Variants in CACNA1I observed in about 807,000 individuals in gnomAD.
CACNA1I encodes the protein voltage-dependent T-type calcium channel subunit alpha-1I.
CACNA1I carries 74 observed loss-of-function variants against 201.6 expected under a neutral mutation model. The observed-to-expected ratio is 0.37, with a 90% CI of 0.30 to 0.45. CACNA1I has a LOEUF of 0.45. CACNA1I is among the 20% of genes least tolerant of loss of function. The pLI, the probability that CACNA1I is intolerant of heterozygous loss-of-function variation, is 1.00. For synonymous variants in CACNA1I, 1,431 were observed against 1,345.2 expected (o/e 1.06, Z -1.40); for missense variants, 2,346 against 3,138.1 (o/e 0.75, Z 6.03).
chr22:39,672,902 G>A, intron 27 of CACNA1I, 47 bp from the exon 28 acceptor site: 1 of 1,577,942 alleles, frequency 6.3e-7, no homozygotes. Context: ...TGAACCAGAG[G>A]GATCCTCCTC....
At chr22:39,596,286 G>A (rs139660415) in intron 1 of CACNA1I, among the ~76,000 whole-genome samples, 1 of 1,160 alleles carries the variant, frequency 8.6e-4, no homozygotes, top group East Asian at 0.038. Flanking sequence ...CAGGGCGGAG[G>A]GAGATGGGGG....
At chr22:39,632,345 C>G (rs1270256161) in intron 4 of CACNA1I, among the ~76,000 whole-genome samples, 1 of 152,138 alleles carries the variant, frequency 6.6e-6, no homozygotes, top group Non-Finnish European at 1.5e-5. Context: ...TAGAAATATG[C>G]CAGCAGACCT....
In CACNA1I at chr22:39,663,291, G is replaced by C. The variant is rs532283439; in HGVS notation, c.3473+415G>C. Among the ~76,000 whole-genome samples the C allele has an allele frequency of 7.2e-5, 11 of 152,320 alleles. No individual in the cohort carries two copies. In the East Asian group the frequency reaches 9.6e-4, roughly 13 times the overall value. The stretch of plus-strand genomic sequence containing the variant: ...CTTGCATCTGAGGGGACATCAGAAG[G>C]CTTCCTGGAGGAGGAGGCCTTTGTG... On this transcript the variant is annotated intron_variant, in intron 18 of 36. Coordinates refer to ENST00000402142, the MANE Select transcript of CACNA1I (RefSeq NM_021096.4).
At chr22:39,623,087 G>T (rs756543035) in intron 4 of CACNA1I, among the ~76,000 whole-genome samples, 2 of 152,242 alleles carry the variant, frequency 1.3e-5, no homozygotes, top group South Asian at 4.1e-4. Context: ...CGCTGAGGCT[G>T]CAGGCGGGCT....
chr22:39,574,242 T>C (rs1432922453), intron 1 of CACNA1I, among the ~76,000 whole-genome samples: 1 of 152,200 alleles, frequency 6.6e-6, no homozygotes, highest in African/African-American at 2.4e-5. Flanking sequence ...AAAGAGTGTG[T>C]GAGCCTAAGA....
chr22:39,681,124 A>G, intron 34 of CACNA1I, 72 bp downstream of exon 34: 3 of 1,498,754 alleles, frequency 2.0e-6, no homozygotes, highest in Non-Finnish European at 2.7e-6. Flanking sequence ...CCCAGGCAGG[A>G]CCCCCCTGTC....
At position 39,672,910 on chromosome 22, in the gene CACNA1I, C is replaced by T. The variant is rs775275769; in HGVS notation, c.4650-39C>T. ...GTGTGTCTGAACCAGAGGGATCCTC[C>T]TCATGCCCACTCCTGCCCTCCCATG... On this transcript the variant is annotated intron_variant, in intron 27 of 36. Coordinates refer to ENST00000402142, the MANE Select transcript of CACNA1I (RefSeq NM_021096.4). The T allele has an allele frequency of 5.7e-6, 9 of 1,590,078 alleles. No individual in the cohort carries two copies. In the South Asian group the frequency reaches 5.8e-5, roughly 10 times the overall value.
intron 4 of CACNA1I, among the ~76,000 whole-genome samples, chr22:39,621,868 T>C (rs2034892393): frequency 6.6e-6 from 1 of 151,994 alleles, no homozygotes; most frequent in Non-Finnish European, 1.5e-5. Flanking sequence ...GGAGAGGCCA[T>C]TTTAGGGCCA....
Position 39,659,094 on chromosome 22 carries a change from A to G in CACNA1I, c.2308A>G (p.Met770Val). 6.2e-7 allele frequency: 1 copy of G among 1,613,068 alleles called. No individual in the cohort carries two copies. Among genetic ancestry groups the G allele is most frequent in the Non-Finnish European group, 8.5e-7 (1 of 1,179,716 alleles). ...DNVATFCMLL[M>V]LFIFIFSILG... ...CGTGGCCACCTTCTGCATGCTGCTC[A>G]TGCTCTTCATCTTCATCTTCAGGTG... Residue 770 changes from methionine to valine, a missense_variant, in exon 12 of 37, where the codon ATG (methionine) becomes GTG (valine). Physicochemically the swap from Met to Val is conservative, Grantham distance 21. Around this residue, in one of 13 missense-constraint regions of CACNA1I, gnomAD observed 155 missense variants for 300.8 expected, o/e 0.52. Transcript: ENST00000402142. The surrounding 1 kb of genome is among the most constrained non-coding windows in gnomAD (Gnocchi z 4.3).
intron 8 of CACNA1I, 57 bp from the exon 9 acceptor site, chr22:39,647,765 G>A: frequency 7.8e-7 from 1 of 1,280,726 alleles, no homozygotes. Flanking sequence ...TGCCTCATCT[G>A]TTCCAGGAAA....
intron 1 of CACNA1I, among the ~76,000 whole-genome samples, chr22:39,580,257 A>G (rs1932504926): frequency 6.6e-6 from 1 of 152,182 alleles, no homozygotes; most frequent in South Asian, 2.1e-4. Flanking sequence ...TGTCTGGGAA[A>G]TTGTCCGTTT....
rs1383024069 is a variant in CACNA1I, at chr22:39,685,806, G to A, written c.6073G>A (p.Ala2025Thr). The part of the protein sequence containing the change: ...TSLDASPSSS[A>T]GSLQTTLEDS... Reference sequence around the variant, plus strand: ...GCTGGACGCCAGCCCCAGCAGCTCCGCGGGCAGCCTGCAGACCACGCTCGA... The same window carrying A: ...GCTGGACGCCAGCCCCAGCAGCTCCACGGGCAGCCTGCAGACCACGCTCGA... The change falls in exon 37 of 37, where the codon GCG becomes ACG. Residue 2025 changes from alanine to threonine, a missense_variant. This residue lies in a region of CACNA1I where 441 missense variants were observed against 555.6 expected (regional missense o/e 0.79). Coordinates refer to ENST00000402142, the MANE Select transcript of CACNA1I (RefSeq NM_021096.4). This position sits in a 1 kb window ranked among gnomAD's most constrained non-coding sequence, Gnocchi z 5.0. The A allele has an allele frequency of 2.0e-6, 3 of 1,496,666 alleles. No homozygotes were observed. The highest frequency in any genetic ancestry group is 1.5e-5 in the African/African-American group (1 of 68,644). 92.7% of individuals were successfully genotyped at this position (1,496,666 alleles called of 1,614,324 possible). A position where few individuals can be genotyped will look rare whatever the true frequency, so the allele number is the denominator to read the frequency against.
chr22:39,672,361 A>C, intron 27 of CACNA1I, 53 bp downstream of exon 27: 3 of 1,220,744 alleles, frequency 2.5e-6, no homozygotes, highest in South Asian at 2.4e-5. Flanking sequence ...CAGGATGAAG[A>C]AGCAGTCCTG....
intron 4 of CACNA1I, among the ~76,000 whole-genome samples, chr22:39,628,716 C>T (rs1372312091): frequency 2.0e-5 from 3 of 152,242 alleles, no homozygotes; most frequent in Admixed American, 1.3e-4. Flanking sequence ...GATTAGTTGG[C>T]GCCGGCAATG....
At position 39,686,518 on chromosome 22, in the gene CACNA1I, C is replaced by A; in HGVS notation, c.*113C>A. On this transcript the variant is annotated 3_prime_UTR_variant, in exon 37 of 37. Transcript: ENST00000402142. Reference sequence around the variant, plus strand: ...CACACCTGGGATCGCGCAGGGCCCGCAGGGCACAGGCGCCCGACAGCCGGG... The same window carrying A: ...CACACCTGGGATCGCGCAGGGCCCGAAGGGCACAGGCGCCCGACAGCCGGG... The A allele has an allele frequency of 1.2e-6, 1 of 821,522 alleles. No homozygotes were observed. Among genetic ancestry groups the A allele is most frequent in the Non-Finnish European group, 1.6e-6 (1 of 625,600 alleles). 50.9% of individuals were successfully genotyped at this position (821,522 alleles called of 1,614,324 possible). A position where few individuals can be genotyped will look rare whatever the true frequency, so the allele number is the denominator to read the frequency against.
intron 3 of CACNA1I, among the ~76,000 whole-genome samples, chr22:39,607,644 A>AT (rs1569059654): frequency 6.6e-6 from 1 of 152,232 alleles, no homozygotes; most frequent in Non-Finnish European, 1.5e-5. Context: ...AATAATTTTC[A>AT]TGACAGGTAG....
chr22:39,656,853 G>A (rs1451707700), intron 10 of CACNA1I: 25 of 488,010 alleles, frequency 5.1e-5, no homozygotes, highest in South Asian at 2.3e-4. Flanking sequence ...TGTGTTGGGC[G>A]TCAAATCAGG....
chr22:39,615,832 G>A (rs973271997), intron 3 of CACNA1I, among the ~76,000 whole-genome samples: 3 of 152,166 alleles, frequency 2.0e-5, no homozygotes, highest in East Asian at 3.8e-4. Context: ...TTAGGACCCA[G>A]GAGAAACATT....
At position 39,686,280 on chromosome 22, in the gene CACNA1I, G is replaced by A; in HGVS notation, c.6547G>A (p.Asp2183Asn). ...GGCCCGGAGCCCCTCGTGGGCCGCG[G>A]ACCGCAGCAAGGACCCCCCCGGCCG... is the stretch of plus-strand genomic sequence containing the variant. ...GLARSPSWAA[D>N]RSKDPPGRAP... The change falls in exon 37 of 37, where the codon GAC becomes AAC. Residue 2183 changes from aspartate to asparagine, a missense_variant. By Grantham distance (23) the Asp-to-Asn change is conservative. Around this residue, in one of 13 missense-constraint regions of CACNA1I, gnomAD observed 187 missense variants for 151.0 expected, o/e 1.24. Transcript: ENST00000402142. The A allele has an allele frequency of 1.5e-6, 2 of 1,315,606 alleles. No individual in the cohort carries two copies. The highest frequency in any genetic ancestry group is 6.6e-5 in the East Asian group (2 of 30,076). 81.5% of individuals were successfully genotyped at this position (1,315,606 alleles called of 1,614,324 possible). A position where few individuals can be genotyped will look rare whatever the true frequency, so the allele number is the denominator to read the frequency against.
Sources: allele counts gnomAD v4.1 joint callset (sites outside exome capture counted in the v4.1 genomes callset), GRCh38; gene constraint gnomAD v4.1.1; regional missense constraint gnomAD v4.1.1; non-coding constraint Gnocchi (gnomAD v3.1); transcripts MANE v1.5; gene names NCBI Gene and HGNC (gene_info 2026-07-23, HGNC 2026-07-21).